CRCP: variants seen among roughly 807,000 people sequenced by gnomAD.
The protein encoded by CRCP is CGRP receptor component, also known as DNA-directed RNA polymerase III subunit RPC9.
Under a neutral mutation model 18.5 loss-of-function variants are expected in CRCP, and 18 were observed. The observed-to-expected ratio is 0.97, with a 90% CI of 0.67 to 1.44. The LOEUF (loss-of-function observed/expected upper bound fraction) is 1.44. CRCP is among the 40% of genes most tolerant of loss of function. The pLI, the probability that CRCP is intolerant of heterozygous loss-of-function variation, is 0.00. For missense variants in CRCP, 130 were observed against 176.4 expected (o/e 0.74, Z 1.49); for synonymous variants, 53 against 62.9 (o/e 0.84, Z 0.75).
At position 66,153,011 on chromosome 7, in the gene CRCP, A is replaced by G. The variant is rs1788519979; in HGVS notation, c.*654A>G. On this transcript the variant is annotated 3_prime_UTR_variant, in exon 6 of 6. Transcript: ENST00000395326. Reference sequence around the variant, plus strand: ...GCACTCCAGGCTTAGTGACAGTGGCAGCAGAAACAGTGTTGGCTGCCTTTC... The same window carrying G: ...GCACTCCAGGCTTAGTGACAGTGGCGGCAGAAACAGTGTTGGCTGCCTTTC... 6.5e-6 allele frequency: 1 copy of G among 152,748 alleles called. No homozygotes were observed. Among genetic ancestry groups the G allele is most frequent in the Non-Finnish European group, 1.5e-5 (1 of 68,148 alleles). The allele number at this position is 152,748 out of a possible 1,614,324, so 9.5% of individuals were successfully genotyped here. A position where few individuals can be genotyped will look rare whatever the true frequency, so the allele number is the denominator to read the frequency against.
chr7:66,128,201 C>A (rs2087647), intron 2 of CRCP, among the ~76,000 whole-genome samples: 89,776 of 151,470 alleles, frequency 0.59, 27,039 homozygotes, highest in African/African-American at 0.68. Flanking sequence ...TAAGACATGG[C>A]AACATCTGGT....
intron 5 of CRCP, among the ~76,000 whole-genome samples, chr7:66,146,951 T>C (rs1469706984): frequency 6.6e-6 from 1 of 152,210 alleles, no homozygotes; most frequent in African/African-American, 2.4e-5. Flanking sequence ...CATGGCTTAA[T>C]GACAGGCAGA....
At chr7:66,151,816 A>T (rs1469191789) in intron 5 of CRCP, among the ~76,000 whole-genome samples, 4 of 126,966 alleles carry the variant, frequency 3.2e-5, no homozygotes, top group African/African-American at 6.2e-5. Context: ...GCTTGGCTCG[A>T]CCTCCTGGGC....
chr7:66,135,971 G>A (rs1406514330), intron 4 of CRCP, among the ~76,000 whole-genome samples: 1 of 151,852 alleles, frequency 6.6e-6, no homozygotes, highest in Non-Finnish European at 1.5e-5. Context: ...ATGACATATC[G>A]CATCAACCCC....
intron 5 of CRCP, among the ~76,000 whole-genome samples, chr7:66,149,170 C>T (rs1788384020): frequency 6.6e-6 from 1 of 152,084 alleles, no homozygotes; most frequent in African/African-American, 2.4e-5. Flanking sequence ...TATCTGAGAA[C>T]CTTGAGATGG....
At chr7:66,121,016 C>T (rs927745217) in intron 1 of CRCP, among the ~76,000 whole-genome samples, 1 of 142,712 alleles carries the variant, frequency 7.0e-6, no homozygotes, top group African/African-American at 2.6e-5. Flanking sequence ...TGAGGAAATA[C>T]CTACTAAGTA....
intron 1 of CRCP, among the ~76,000 whole-genome samples, 163 bp downstream of exon 1, chr7:66,115,133 C>T (rs1584050183): frequency 6.6e-6 from 1 of 152,180 alleles, no homozygotes; most frequent in South Asian, 2.1e-4. Context: ...CGGGGACGAA[C>T]GGGACTCTCG....
At chr7:66,121,399 T>A (rs1787437729) in intron 1 of CRCP, among the ~76,000 whole-genome samples, 1 of 152,204 alleles carries the variant, frequency 6.6e-6, no homozygotes, top group South Asian at 2.1e-4. Flanking sequence ...TGATTGACAA[T>A]TTAAAAATAA....
At chr7:66,151,717 G>GTGTGTGT (rs1584105236) in intron 5 of CRCP, among the ~76,000 whole-genome samples, 32 of 114,908 alleles carry the variant, frequency 2.8e-4, no homozygotes, top group South Asian at 1.1e-3. Flanking sequence ...GTGTGTGTGT[G>GTGTGTGT]GTTATATAAC....
chr7:66,145,671 C>T (rs1788271833), intron 5 of CRCP, among the ~76,000 whole-genome samples, 171 bp downstream of exon 5: 1 of 152,134 alleles, frequency 6.6e-6, no homozygotes, highest in African/African-American at 2.4e-5. Flanking sequence ...ACTTAGGGAC[C>T]ACAAAACACT....
chr7:66,136,190 A>G (rs896452196), intron 4 of CRCP, among the ~76,000 whole-genome samples: 3 of 151,870 alleles, frequency 2.0e-5, no homozygotes, highest in Non-Finnish European at 4.4e-5. Context: ...TCATACATCA[A>G]GAGTTTACAT....
intron 4 of CRCP, among the ~76,000 whole-genome samples, chr7:66,141,548 C>G (rs1459197672): frequency 2.6e-5 from 4 of 151,968 alleles, no homozygotes; most frequent in African/African-American, 4.8e-5. Flanking sequence ...AGTGCCAGAG[C>G]CTCTCTGGAG....
intron 4 of CRCP, among the ~76,000 whole-genome samples, chr7:66,143,251 G>A (rs1788192067): frequency 6.6e-6 from 1 of 152,140 alleles, no homozygotes; most frequent in Non-Finnish European, 1.5e-5. Flanking sequence ...ATTCCTCACT[G>A]TCTGCCTCCA....
At chr7:66,118,018 C>T (rs1316973340) in intron 1 of CRCP, among the ~76,000 whole-genome samples, 1 of 152,200 alleles carries the variant, frequency 6.6e-6, no homozygotes, top group Non-Finnish European at 1.5e-5. Context: ...CTTGCTCTGT[C>T]ACCCAGGCTG....
intron 3 of CRCP, among the ~76,000 whole-genome samples, chr7:66,132,990 G>A (rs1787855133): frequency 6.6e-6 from 1 of 152,072 alleles, no homozygotes; most frequent in Non-Finnish European, 1.5e-5. Context: ...GGGGCGGGGG[G>A]ATTAAGCTTC....
At chr7:66,137,194 A>G (rs564922580) in intron 4 of CRCP, among the ~76,000 whole-genome samples, 2 of 152,250 alleles carry the variant, frequency 1.3e-5, no homozygotes, top group Admixed American at 1.3e-4. Flanking sequence ...GTTCTGCACA[A>G]ATTTTTTTAG....
intron 1 of CRCP, among the ~76,000 whole-genome samples, chr7:66,124,451 G>T (rs1349920896): frequency 6.6e-6 from 1 of 152,012 alleles, no homozygotes; most frequent in Non-Finnish European, 1.5e-5. Context: ...TCTGATATTT[G>T]CTGCCTTTTC....
At chr7:66,140,385 C>T (rs316330) in intron 4 of CRCP, among the ~76,000 whole-genome samples, 24 of 149,336 alleles carry the variant, frequency 1.6e-4, no homozygotes, top group Admixed American at 9.3e-4. Context: ...GAGATTTCTT[C>T]TTTTCTTTTC....
chr7:66,124,359 C>CA (rs541104067), intron 1 of CRCP, among the ~76,000 whole-genome samples: 19 of 150,556 alleles, frequency 1.3e-4, no homozygotes, highest in African/African-American at 4.2e-4. Context: ...GACTCCTTCT[C>CA]AAAAAAAAAC....
Sources: allele counts gnomAD v4.1 joint callset (sites outside exome capture counted in the v4.1 genomes callset), GRCh38; gene constraint gnomAD v4.1.1; transcripts MANE v1.5; gene names NCBI Gene and HGNC (gene_info 2026-07-23, HGNC 2026-07-21).